TG: variants seen among roughly 807,000 people sequenced by gnomAD.
The protein encoded by TG is thyroid hormones.
Under a neutral mutation model 324.7 loss-of-function variants are expected in TG, and 270 were observed. The ratio of observed to expected loss-of-function variants is 0.83; its 90% CI spans 0.75 to 0.92. The LOEUF (loss-of-function observed/expected upper bound fraction) is 0.92, where lower values mean the gene tolerates loss of function less well. Ranked by LOEUF, TG falls within the 40% of genes least tolerant of loss-of-function variation. TG has a pLI of 0.00. For missense variants in TG, 3,591 were observed against 3,456.4 expected, an observed-to-expected ratio of 1.04 and a Z score of -0.98; for synonymous variants, 1,401 against 1,327.0, an observed-to-expected ratio of 1.06 and a Z score of -1.21.
intron 40 of TG, among the ~76,000 whole-genome samples, chr8:133,023,527 T>C (rs973407227): frequency 2.0e-5 from 3 of 151,720 alleles, no homozygotes; most frequent in African/African-American, 7.3e-5. Context: ...CTTTGGAGAG[T>C]GTTTAAAGAA....
At chr8:132,901,581 C>T (rs182439125) in intron 16 of TG, 28 bp downstream of exon 16, 487 of 1,603,166 alleles carry the variant, frequency 3.0e-4, no homozygotes, top group Admixed American at 4.7e-4. Flanking sequence ...GGGGGGACGA[C>T]GAGGCCTGCA....
At position 132,919,432 on chromosome 8, in the gene TG, G is replaced by A. The variant is rs760729122; in HGVS notation, c.4435G>A (p.Gly1479Arg). Residue 1479 changes from glycine (G) to arginine (R), a missense_variant, in exon 21 of 48, where the codon GGA becomes AGA. Gly to Arg is a moderately radical substitution (Grantham distance 125). Transcript: ENST00000220616. The part of the protein sequence containing the change: ...QDEECIPCPV[G>R]FYQEQAGSLA... The stretch of plus-strand genomic sequence containing the variant: ...TGAGGAATGCATTCCTTGTCCTGTT[G>A]GATTCTACCAAGAACAGGCAGGGAG... The A allele has an allele frequency of 1.5e-5, 24 of 1,614,122 alleles. No individual in the cohort carries two copies. In the East Asian group the frequency reaches 4.5e-4, roughly 30 times the overall value.
intron 41 of TG, among the ~76,000 whole-genome samples, chr8:133,073,867 T>C (rs1157766706): frequency 6.6e-6 from 1 of 152,112 alleles, no homozygotes; most frequent in Admixed American, 6.5e-5. Flanking sequence ...GAGCCTCATT[T>C]CCTCAGTTTT....
intron 41 of TG, among the ~76,000 whole-genome samples, chr8:133,057,385 G>T (rs1168201148): frequency 6.6e-6 from 1 of 152,168 alleles, no homozygotes; most frequent in East Asian, 1.9e-4. Context: ...GAACACTTTG[G>T]GATGATTTGA....
At chr8:133,094,155 A>G (rs1484340008) in intron 41 of TG, among the ~76,000 whole-genome samples, 2 of 151,976 alleles carry the variant, frequency 1.3e-5, no homozygotes, top group African/African-American at 2.4e-5. Flanking sequence ...GGATGACCCA[A>G]TTCTACCAAA....
At position 132,923,503 on chromosome 8, in the gene TG, G is replaced by A. The variant is rs1367929551; in HGVS notation, c.4694G>A (p.Cys1565Tyr). 6.2e-7 allele frequency: 1 copy of A among 1,613,382 alleles called. No individual in the cohort carries two copies. Among genetic ancestry groups the A allele is most frequent in the Admixed American group, 1.7e-5 (1 of 59,996 alleles). The change falls in exon 22 of 48, where the codon TGT (cysteine) becomes TAT (tyrosine). Residue 1565 changes from cysteine to tyrosine, a missense_variant. By Grantham distance (194) the Cys-to-Tyr change is radical (BLOSUM62 -2). Coordinates refer to ENST00000220616, the MANE Select transcript of TG (RefSeq NM_003235.5). ...ETEAPLEDSQ[C>Y]LMMQKFEKVP... ...GAGGCCCCTCTTGAGGACTCACAGT[G>A]TTTGAGTAGGTGCTGGGGGTGAAAT...
At chr8:133,074,438 T>C (rs1489753918) in intron 41 of TG, among the ~76,000 whole-genome samples, 1 of 152,196 alleles carries the variant, frequency 6.6e-6, no homozygotes, top group African/African-American at 2.4e-5. Context: ...CTTTGCCCTA[T>C]ACCTGTGTGC....
At chr8:133,040,340 G>A in intron 41 of TG, 9 of 567,782 alleles carry the variant, frequency 1.6e-5, no homozygotes, top group Admixed American at 3.1e-5. Flanking sequence ...GGTATACTCT[G>A]CACTTAGCCA....
At position 132,869,827 on chromosome 8, in the gene TG, G is replaced by C; in HGVS notation, c.274+1G>C. ...AGGCAGCCAGGACGGCCTGTGGCTT[G>C]TAAGTGGGAGTGGGGGACGTCCCTT... On this transcript the variant is annotated splice_donor_variant, in intron 3 of 47. Coordinates refer to ENST00000220616, the MANE Select transcript of TG (RefSeq NM_003235.5). LOFTEE classifies it high-confidence loss of function. 1 of 1,613,720 alleles carries C rather than the reference G, an allele frequency of 6.2e-7. No homozygotes were observed. The highest frequency in any genetic ancestry group is 8.5e-7 in the Non-Finnish European group (1 of 1,179,876).
At chr8:133,110,513 C>G (rs1037055594) in intron 43 of TG, among the ~76,000 whole-genome samples, 1 of 152,208 alleles carries the variant, frequency 6.6e-6, no homozygotes, top group South Asian at 2.1e-4. Flanking sequence ...GATAGATACA[C>G]ATAGCATTTT....
rs542551851 is a variant in TG, at chr8:132,996,266, C to A, written c.6262+12854C>A. ...ACGTAGAGGTGAGATTTTATTAAATCAGCTTCCCATTATTTGCTTCCTATG... is the reference window on the plus strand; with the variant it reads ...ACGTAGAGGTGAGATTTTATTAAATAAGCTTCCCATTATTTGCTTCCTATG... On this transcript the variant is annotated intron_variant, in intron 35 of 47. Transcript: ENST00000220616. Among the ~76,000 whole-genome samples, 418 of 152,310 alleles carry A rather than the reference C, an allele frequency of 2.7e-3. 3 individuals are homozygous for A. The highest frequency in any genetic ancestry group is 9.6e-3 in the African/African-American group (401 of 41,574).
intron 25 of TG, among the ~76,000 whole-genome samples, chr8:132,937,956 G>T (rs1303624025): frequency 6.6e-6 from 1 of 152,190 alleles, no homozygotes; most frequent in Non-Finnish European, 1.5e-5. Context: ...TAAAGCAGAA[G>T]ATGTGCCCGG....
At position 133,116,601 on chromosome 8, in the gene TG, T is replaced by TTA; in HGVS notation, c.7755-7_7755-6insAT. The TTA allele has an allele frequency of 6.2e-7, 1 of 1,612,226 alleles. No individual in the cohort carries two copies. The highest frequency in any genetic ancestry group is 1.1e-5 in the South Asian group (1 of 91,062). The stretch of plus-strand genomic sequence containing the variant: ...AACCAGACTCCCCCCATGTTCTCTT[T>TTA]TCACCAGGGACTACTTTATCATCTG... On this transcript the variant is annotated splice_polypyrimidine_tract_variant and splice_region_variant and intron_variant, in intron 44 of 47. Transcript: ENST00000220616.
chr8:132,897,722 C>T lies in TG; in HGVS notation c.3075C>T (p.Gly1025=). Residue 1025 remains glycine, a synonymous_variant, in exon 12 of 48, where the codon GGC becomes GGT. Transcript: ENST00000220616. ...GAGCATCCGCCCTTCTGCGGTCGGG[C>T]CCCTACATGCCACAGTGTGATGCGT... ...SAGASALLRS[G]PYMPQCDAFG... 1 of 1,614,240 alleles carries T rather than the reference C, an allele frequency of 6.2e-7. No individual in the cohort carries two copies. Among genetic ancestry groups the T allele is most frequent in the East Asian group, 2.2e-5 (1 of 44,880 alleles).
intron 27 of TG, among the ~76,000 whole-genome samples, chr8:132,958,686 A>AGCCT (rs371134397): frequency 6.6e-6 from 1 of 151,264 alleles, no homozygotes; most frequent in Admixed American, 6.6e-5. Flanking sequence ...CTGCTGCACC[A>AGCCT]GGCAACAGAG....
chr8:133,033,197 A>G (rs1333845882), intron 41 of TG, among the ~76,000 whole-genome samples: 2 of 152,206 alleles, frequency 1.3e-5, no homozygotes, highest in African/African-American at 4.8e-5. Flanking sequence ...TGTATTTCCC[A>G]AGGTCTTGAG....
At chr8:133,026,102 C>G (rs1460491356) in intron 40 of TG, among the ~76,000 whole-genome samples, 10 of 152,236 alleles carry the variant, frequency 6.6e-5, no homozygotes, top group Admixed American at 5.2e-4. Context: ...GGCCCAGTAT[C>G]TAGCTGCCTC....
At chr8:132,991,096 C>T (rs551299481) in intron 35 of TG, among the ~76,000 whole-genome samples, 2 of 151,566 alleles carry the variant, frequency 1.3e-5, no homozygotes, top group South Asian at 2.1e-4. Context: ...TATGGCCTCA[C>T]GCTGGTCACT....
At chr8:133,107,155 A>T (rs1849871843) in intron 43 of TG, among the ~76,000 whole-genome samples, 1 of 152,240 alleles carries the variant, frequency 6.6e-6, no homozygotes, top group Admixed American at 6.5e-5. Context: ...ATGAAGGCAC[A>T]GACAGGCATA....
Sources: allele counts gnomAD v4.1 joint callset (sites outside exome capture counted in the v4.1 genomes callset), GRCh38; gene constraint gnomAD v4.1.1; transcripts MANE v1.5; gene names NCBI Gene and HGNC (gene_info 2026-07-23, HGNC 2026-07-21).